Variants in VCF1 observed in about 807,000 individuals in gnomAD.
VCF1 encodes protein VCF1.
the VCF1 span, among the ~76,000 whole-genome samples, chr17:73,216,983 TAA>T: frequency 1.3e-5 from 2 of 152,190 alleles, no homozygotes; most frequent in Non-Finnish European, 2.9e-5. Context: ...TTCCACTTCA[TAA>T]AAAGAGAGCT....
the VCF1 span, chr17:73,209,683 C>G: frequency 1.9e-6 from 3 of 1,549,996 alleles, no homozygotes; most frequent in Non-Finnish European, 2.6e-6. Flanking sequence ...CTGGCTCAAG[C>G]TGCCTTCCGG....
At chr17:73,216,606 C>T in the VCF1 span, among the ~76,000 whole-genome samples, 2 of 151,694 alleles carry the variant, frequency 1.3e-5, no homozygotes, top group Non-Finnish European at 2.9e-5. Flanking sequence ...TCTGAAGAGC[C>T]GAAAAGAAGG....
the VCF1 span, chr17:73,208,541 A>T: frequency 2.1e-6 from 3 of 1,461,766 alleles, no homozygotes; most frequent in Non-Finnish European, 2.9e-6. Context: ...CAGCCACACC[A>T]ATCTTTCCAG....
At chr17:73,215,996 A>C in the VCF1 span, among the ~76,000 whole-genome samples, 2 of 152,114 alleles carry the variant, frequency 1.3e-5, no homozygotes, top group Non-Finnish European at 2.9e-5. Flanking sequence ...AGTGAGAGGG[A>C]AACTGCACAA....
chr17:73,207,548 G>A, the VCF1 span: 4 of 633,974 alleles, frequency 6.3e-6, no homozygotes, highest in African/African-American at 5.5e-5. Flanking sequence ...AGAGTTAACT[G>A]CCAACCCGGC....
At chr17:73,222,776 CAAAAA>C in the VCF1 span, among the ~76,000 whole-genome samples, 1 of 117,924 alleles carries the variant, frequency 8.5e-6, no homozygotes. Context: ...AACTCTGTCT[CAAAAA>C]AAAAAAAAAA....
chr17:73,221,345 A>T, the VCF1 span, among the ~76,000 whole-genome samples: 6 of 151,668 alleles, frequency 4.0e-5, no homozygotes. Flanking sequence ...AGATAAAGAT[A>T]TTAAAACTGA....
chr17:73,230,105 T>A, the VCF1 span, among the ~76,000 whole-genome samples: 1 of 152,056 alleles, frequency 6.6e-6, no homozygotes, highest in African/African-American at 2.4e-5. Context: ...AAGACCAGCC[T>A]GGGCAATATA....
At chr17:73,217,434 G>A in the VCF1 span, among the ~76,000 whole-genome samples, 20 of 151,146 alleles carry the variant, frequency 1.3e-4, no homozygotes, top group East Asian at 9.7e-4. Flanking sequence ...GGTGGATCAC[G>A]AGGTCAAGAG....
the VCF1 span, chr17:73,227,218 G>C: frequency 1.9e-6 from 3 of 1,579,662 alleles, no homozygotes; most frequent in Non-Finnish European, 2.6e-6. Context: ...CTTTTGGTCT[G>C]GGGGGGAAGA....
chr17:73,225,349 A>G, the VCF1 span, among the ~76,000 whole-genome samples: 1 of 152,008 alleles, frequency 6.6e-6, no homozygotes, highest in Non-Finnish European at 1.5e-5. Context: ...TTTGTACCAA[A>G]AACTAAATAA....
chr17:73,219,984 G>C, the VCF1 span, among the ~76,000 whole-genome samples: 3 of 93,230 alleles, frequency 3.2e-5, no homozygotes, highest in Non-Finnish European at 2.3e-5. Flanking sequence ...TCCAAAAAAA[G>C]AAAAAAAAAA....
chr17:73,208,608 G>C, the VCF1 span: 2 of 915,612 alleles, frequency 2.2e-6, no homozygotes, highest in Non-Finnish European at 3.5e-6. Flanking sequence ...TAAGCATCAA[G>C]TTAATCCTTG....
chr17:73,225,982 A>G, the VCF1 span, among the ~76,000 whole-genome samples: 1 of 148,160 alleles, frequency 6.7e-6, no homozygotes, highest in Non-Finnish European at 1.5e-5. Flanking sequence ...GCTCACTGCA[A>G]CCTCTGCCTC....
chr17:73,218,354 T>C, the VCF1 span, among the ~76,000 whole-genome samples: 61,597 of 152,132 alleles, frequency 0.4, 12,981 homozygotes, highest in Non-Finnish European at 0.46. Flanking sequence ...ATGCAGGTGA[T>C]AACTTTTCTG....
chr17:73,214,960 T>A, the VCF1 span, among the ~76,000 whole-genome samples: 1 of 152,206 alleles, frequency 6.6e-6, no homozygotes, highest in Non-Finnish European at 1.5e-5. Context: ...CTCTGAATTG[T>A]CCATTTAGGC....
At chr17:73,226,854 C>T in the VCF1 span, among the ~76,000 whole-genome samples, 3 of 152,070 alleles carry the variant, frequency 2.0e-5, no homozygotes, top group African/African-American at 7.2e-5. Context: ...TTATAAACTA[C>T]CAGAAAAGAA....
the VCF1 span, among the ~76,000 whole-genome samples, chr17:73,223,632 ATCTC>A: frequency 8.4e-5 from 11 of 130,580 alleles, no homozygotes; most frequent in Admixed American, 1.6e-4. Context: ...TAACTTTTAA[ATCTC>A]TCTTAGAATT....
the VCF1 span, among the ~76,000 whole-genome samples, chr17:73,224,874 G>GGACAC: frequency 2.7e-5 from 4 of 149,148 alleles, no homozygotes; most frequent in East Asian, 7.8e-4. Flanking sequence ...GCACAGGACA[G>GGACAC]GACAGCACAG....
Sources: gnomAD v4.1 joint callset for allele counts (sites outside exome capture counted in the v4.1 genomes callset) on GRCh38, gnomAD v4.1.1 for gene constraint, MANE v1.5 for transcripts, NCBI Gene and HGNC (gene_info 2026-07-23, HGNC 2026-07-21) for gene names.